Variants in TRMU observed in about 807,000 individuals in gnomAD.
TRMU encodes tRNA mitochondrial 2-thiouridylase.
A neutral mutation model predicts 46.9 loss-of-function variants in TRMU; 49 were observed. The ratio of observed to expected loss-of-function variants is 1.05; its 90% CI spans 0.83 to 1.33. The LOEUF (loss-of-function observed/expected upper bound fraction) is 1.33. Ranked by LOEUF, TRMU falls within the 40% of genes most tolerant of loss-of-function variation. The probability of loss-of-function intolerance (pLI) is 0.00; values close to 1 mark genes in which losing one functional copy is unlikely to be tolerated. For synonymous variants in TRMU, 241 were observed against 200.9 expected, an observed-to-expected ratio of 1.20 and a Z score of -1.69; for missense variants, 572 against 532.4, an observed-to-expected ratio of 1.07 and a Z score of -0.73.
chr22:46,346,906 GCAA>G (rs1036278438), intron 4 of TRMU, among the ~76,000 whole-genome samples: 8 of 152,274 alleles, frequency 5.3e-5, no homozygotes, highest in Admixed American at 2.6e-4. Flanking sequence ...CCTGTACTTA[GCAA>G]CAAGTTCTCA....
Position 46,351,869 on chromosome 22 carries a change from A to G in TRMU, c.652-252A>G. 3.4e-6 allele frequency: 2 copies of G among 583,856 alleles called. No individual in the cohort carries two copies. Among genetic ancestry groups the G allele is most frequent in the Non-Finnish European group, 3.1e-6 (1 of 325,388 alleles). The allele number at this position is 583,856 out of a possible 1,614,324, so 36.2% of individuals were successfully genotyped here. Reference sequence around the variant, plus strand: ...CGGGTTCTGCTTTCTTCCCCGGGGCAGCTGGTGTGAGGGTCTCCCGCGCAG... The same window carrying G: ...CGGGTTCTGCTTTCTTCCCCGGGGCGGCTGGTGTGAGGGTCTCCCGCGCAG... On this transcript the variant is annotated intron_variant, in intron 5 of 10. Transcript: ENST00000645190. The surrounding 1 kb of genome is among the most constrained non-coding windows in gnomAD (Gnocchi z 6.4).
chr22:46,350,475 CA>C lies in TRMU; in HGVS notation c.651+13del. The C allele has an allele frequency of 6.2e-7, 1 of 1,613,012 alleles. No homozygotes were observed. The highest frequency in any genetic ancestry group is 8.5e-7 in the Non-Finnish European group (1 of 1,179,942). On this transcript the variant is annotated intron_variant, in intron 5 of 10. Transcript: ENST00000645190. This position sits in a 1 kb window ranked among gnomAD's most constrained non-coding sequence, Gnocchi z 4.6. ...TTCAGAAGAAAGAGGTACGAGTGAG[CA>C]GTTGCCTTTGATTAGTGCCTGTTTC...
intron 3 of TRMU, among the ~76,000 whole-genome samples, chr22:46,345,354 G>A (rs1258454115): frequency 2.0e-5 from 3 of 152,208 alleles, no homozygotes; most frequent in African/African-American, 7.2e-5. Flanking sequence ...GATGACAGGC[G>A]TGAGCCGCTG....
At chr22:46,352,628 T>G in intron 7 of TRMU, 2 of 484,490 alleles carry the variant, frequency 4.1e-6, no homozygotes, top group Non-Finnish European at 7.6e-6. Flanking sequence ...AAAGAATGAT[T>G]TCCTTCCTGT....
chr22:46,346,643 T>C (rs2078266318), intron 4 of TRMU, 99 bp downstream of exon 4: 5 of 1,402,904 alleles, frequency 3.6e-6, no homozygotes, highest in Non-Finnish European at 4.9e-6. Flanking sequence ...CTGCCACCCC[T>C]CCCTCTGTGC....
In TRMU at chr22:46,343,368, G is replaced by A; in HGVS notation, c.355G>A (p.Gly119Arg). 1 of 1,610,370 alleles carries A rather than the reference G, an allele frequency of 6.2e-7. No individual in the cohort carries two copies. Among genetic ancestry groups the A allele is most frequent in the Non-Finnish European group, 8.5e-7 (1 of 1,176,938 alleles). Residue 119 changes from glycine to arginine, a missense_variant and splice_region_variant, in exon 3 of 11, where the codon GGG (glycine) becomes AGG (arginine). Transcript: ENST00000645190. Reference protein sequence around the residue: ...CFFHYAVDNLGADAIATGHYA... With the variant: ...CFFHYAVDNLRADAIATGHYA... Reference sequence around the variant, plus strand: ...TTTTCATTATGCTGTGGATAATCTTGGTAAGTAATTTGGGTTTAAAACATT... The same window carrying A: ...TTTTCATTATGCTGTGGATAATCTTAGTAAGTAATTTGGGTTTAAAACATT...
chr22:46,356,244 A>T, intron 10 of TRMU, 172 bp downstream of exon 10: 1 of 665,396 alleles, frequency 1.5e-6, no homozygotes, highest in Non-Finnish European at 2.6e-6. Context: ...TCCCACAGTG[A>T]CAACTGTGAG....
At position 46,355,966 on chromosome 22, in the gene TRMU, C is replaced by T. The variant is rs200311079; in HGVS notation, c.1019-24C>T. On this transcript the variant is annotated intron_variant, in intron 9 of 10. Transcript: ENST00000645190. ...GACCAGGAAAGGCCTGTGCCCCCTC[C>T]AAGGGCCCCTCTCTTCTACCCAGTG... The T allele has an allele frequency of 4.2e-5, 67 of 1,613,286 alleles. No individual in the cohort carries two copies. In the Admixed American group the frequency reaches 5.7e-4, roughly 14 times the overall value.
In TRMU at chr22:46,337,927, T is replaced by C. The variant is rs914793719; in HGVS notation, c.231T>C (p.Tyr77=). Residue 77 remains tyrosine, a synonymous_variant, in exon 2 of 11, where the codon TAT becomes TAC. Coordinates refer to ENST00000645190, the MANE Select transcript of TRMU (RefSeq NM_018006.5). ...ATCAAGTGTCCTACGTAAAGGAGTA[T>C]TGGAATGATGTGTTCAGGTGAGTGC... ...PFHQVSYVKE[Y]WNDVFSDFLN... The C allele has an allele frequency of 3.7e-6, 6 of 1,614,136 alleles. No individual in the cohort carries two copies. Among genetic ancestry groups the C allele is most frequent in the Non-Finnish European group, 5.1e-6 (6 of 1,180,018 alleles).
chr22:46,352,476 C>A, intron 7 of TRMU, 146 bp downstream of exon 7: 2 of 910,402 alleles, frequency 2.2e-6, no homozygotes, highest in Non-Finnish European at 3.5e-6. Context: ...GGGGCGGGCA[C>A]GGCCTAGGGT....
At position 46,355,506 on chromosome 22, in the gene TRMU, G is replaced by A. The variant is rs1275469562; in HGVS notation, c.936G>A (p.Trp312Ter). The A allele has an allele frequency of 6.2e-7, 1 of 1,613,272 alleles. No individual in the cohort carries two copies. Among genetic ancestry groups the A allele is most frequent in the Non-Finnish European group, 8.5e-7 (1 of 1,180,034 alleles). The change falls in exon 9 of 11, where the codon TGG becomes TGA. Residue 312 changes from tryptophan (W) to a stop codon, truncating the protein, a stop_gained. Transcript: ENST00000645190. LOFTEE classifies it high-confidence loss of function. ...RDLLRTSRVH[W>*]IAEEPPAALV... ...TGCTGAGGACCAGCCGCGTGCACTG[G>A]ATTGCGGAGGAGCCTCCCGCAGCAC...
chr22:46,355,364 T>G, intron 8 of TRMU, 80 bp from the exon 9 acceptor site: 2 of 1,568,024 alleles, frequency 1.3e-6, no homozygotes, highest in South Asian at 2.3e-5. Context: ...GGTAGGACAG[T>G]TGTTCCCAGG....
intron 9 of TRMU, 106 bp from the exon 10 acceptor site, chr22:46,355,884 A>G (rs1179293500): frequency 9.2e-6 from 12 of 1,305,428 alleles, no homozygotes; most frequent in Non-Finnish European, 1.3e-5. Flanking sequence ...TTCCCCTCTA[A>G]GCAGGGGTTT....
chr22:46,347,535 G>A lies in TRMU; in HGVS notation c.478+991G>A, dbSNP rs1010724566. On this transcript the variant is annotated intron_variant, in intron 4 of 10. Coordinates refer to ENST00000645190, the MANE Select transcript of TRMU (RefSeq NM_018006.5). The surrounding 1 kb of genome is among the most constrained non-coding windows in gnomAD (Gnocchi z 5.0). ...GCTCGGCTTTTTCATTTTTTGTAGAGATGAGGTCTCGTTAATGTTGTCCGT... is the reference window on the plus strand; with the variant it reads ...GCTCGGCTTTTTCATTTTTTGTAGAAATGAGGTCTCGTTAATGTTGTCCGT... The A allele has an allele frequency of 7.9e-5, 12 of 151,796 alleles. No homozygotes were observed. The highest frequency in any genetic ancestry group is 2.7e-4 in the African/African-American group (11 of 41,268). The allele number at this position is 151,796 out of a possible 1,614,324, so 9.4% of individuals were successfully genotyped here. A position where few individuals can be genotyped will look rare whatever the true frequency, so the allele number is the denominator to read the frequency against.
In TRMU at chr22:46,335,848, T is replaced by C. The variant is rs1173890858; in HGVS notation, c.82+2T>C. ...CCGCGCTGCTGCTGAGGCGGAGAGGTGAGGCGTCCGAGGCTCCCGCCCCCC... is the reference window on the plus strand; with the variant it reads ...CCGCGCTGCTGCTGAGGCGGAGAGGCGAGGCGTCCGAGGCTCCCGCCCCCC... On this transcript the variant is annotated splice_donor_variant, in intron 1 of 10. Transcript: ENST00000645190. LOFTEE classifies it high-confidence loss of function. The C allele has an allele frequency of 6.5e-7, 1 of 1,544,290 alleles. No homozygotes were observed. Among genetic ancestry groups the C allele is most frequent in the East Asian group, 2.4e-5 (1 of 40,884 alleles).
chr22:46,350,914 G>A lies in TRMU; in HGVS notation c.651+451G>A, dbSNP rs75010076. On this transcript the variant is annotated intron_variant, in intron 5 of 10. Coordinates refer to ENST00000645190, the MANE Select transcript of TRMU (RefSeq NM_018006.5). This position sits in a 1 kb window ranked among gnomAD's most constrained non-coding sequence, Gnocchi z 4.6. ...TTCGGGCGCTGTGCTGCTGGGCCGC[G>A]AGGAATTGGTGACGCGCACACAGTT... Among the ~76,000 whole-genome samples the A allele has an allele frequency of 8.5e-5, 13 of 152,330 alleles. No homozygotes were observed. Among genetic ancestry groups the A allele is most frequent in the South Asian group, 8.3e-4 (4 of 4,834 alleles).
At position 46,346,527 on chromosome 22, in the gene TRMU, G is replaced by T; in HGVS notation, c.461G>T (p.Arg154Leu). 2 of 1,611,854 alleles carry T rather than the reference G, an allele frequency of 1.2e-6. No individual in the cohort carries two copies. The highest frequency in any genetic ancestry group is 1.3e-5 in the African/African-American group (1 of 74,996). Residue 154 changes from arginine to leucine, a missense_variant, in exon 4 of 11, where the codon CGG (arginine) becomes CTG (leucine). Arg to Leu is a moderately radical substitution (Grantham distance 102). Coordinates refer to ENST00000645190, the MANE Select transcript of TRMU (RefSeq NM_018006.5). ...AAGCCCGAAGGGCTTTTCAGAAATC[G>T]GTTTGAAGTTAGAAATGGTAAGTTC... ...VKKPEGLFRN[R>L]FEVRNAVKLL...
chr22:46,355,087 A>G (rs1157649485), intron 8 of TRMU: 2 of 372,128 alleles, frequency 5.4e-6, no homozygotes, highest in Non-Finnish European at 1.0e-5. Context: ...CGAATAGAAA[A>G]ACCAGTCCTC....
chr22:46,351,062 G>T lies in TRMU; in HGVS notation c.651+599G>T, dbSNP rs760169056. ...ACCCTGGGTGGGAAGCACCAGTGGG[G>T]TCTGAGAGTAGGGAATGGAGATGCC... On this transcript the variant is annotated intron_variant, in intron 5 of 10. Coordinates refer to ENST00000645190, the MANE Select transcript of TRMU (RefSeq NM_018006.5). The surrounding 1 kb of genome is among the most constrained non-coding windows in gnomAD (Gnocchi z 6.4). Among the ~76,000 whole-genome samples the T allele has an allele frequency of 4.6e-5, 7 of 152,226 alleles. No individual in the cohort carries two copies. Among genetic ancestry groups the T allele is most frequent in the Non-Finnish European group, 8.8e-5 (6 of 68,048 alleles).
Sources: gnomAD v4.1 joint callset for allele counts (sites outside exome capture counted in the v4.1 genomes callset) on GRCh38, gnomAD v4.1.1 for gene constraint, Gnocchi (gnomAD v3.1) non-coding constraint, MANE v1.5 for transcripts, NCBI Gene and HGNC (gene_info 2026-07-23, HGNC 2026-07-21) for gene names.